Variants in CNTNAP2 observed in about 807,000 individuals in gnomAD.
CNTNAP2 encodes contactin-associated protein-like 2.
In CNTNAP2, 98 loss-of-function variants were observed where a neutral mutation model predicts 155.2. The ratio of observed to expected loss-of-function variants is 0.63; its 90% CI spans 0.54 to 0.75. CNTNAP2 has a LOEUF of 0.75. Among genes scored for constraint, CNTNAP2 ranks in the 30% least tolerant of loss-of-function variants. The pLI is 0.00. For missense variants in CNTNAP2, 1,727 were observed against 1,688.1 expected, an observed-to-expected ratio of 1.02 and a Z score of -0.40; for synonymous variants, 651 against 631.2, an observed-to-expected ratio of 1.03 and a Z score of -0.47.
At chr7:146,345,292 G>A (rs530617706) in intron 1 of CNTNAP2, among the ~76,000 whole-genome samples, 4 of 152,182 alleles carry the variant, frequency 2.6e-5, no homozygotes, top group African/African-American at 9.6e-5. Flanking sequence ...TTTTTCTCCT[G>A]TACTGTGTGG....
At chr7:147,501,659 G>T (rs910346247) in intron 11 of CNTNAP2, among the ~76,000 whole-genome samples, 14 of 152,188 alleles carry the variant, frequency 9.2e-5, no homozygotes, top group Non-Finnish European at 4.4e-5. Flanking sequence ...CCCAACTATA[G>T]GGTAATGTAA....
chr7:147,013,447 T>G (rs1009892341), intron 3 of CNTNAP2, among the ~76,000 whole-genome samples: 9 of 152,124 alleles, frequency 5.9e-5, no homozygotes, highest in Admixed American at 3.9e-4. Flanking sequence ...AAGCATCCAT[T>G]TTAGCTAACC....
intron 3 of CNTNAP2, among the ~76,000 whole-genome samples, chr7:146,895,919 C>T (rs1438158005): frequency 6.6e-6 from 1 of 152,096 alleles, no homozygotes; most frequent in East Asian, 1.9e-4. Context: ...AAGTATCTTT[C>T]TGTGGAGGAT....
At chr7:146,782,753 G>A (rs1802512594) in intron 2 of CNTNAP2, among the ~76,000 whole-genome samples, 1 of 152,030 alleles carries the variant, frequency 6.6e-6, no homozygotes. Context: ...TACCGTGAAG[G>A]TTAAAAGAAA....
chr7:147,988,955 C>T (rs568993355), intron 15 of CNTNAP2, among the ~76,000 whole-genome samples: 8 of 152,232 alleles, frequency 5.3e-5, no homozygotes, highest in African/African-American at 1.4e-4. Flanking sequence ...TTGAGAAAAA[C>T]GAGACATGGC....
At position 147,657,585 on chromosome 7, in the gene CNTNAP2, GTAA is replaced by G. The variant is rs1217255241; in HGVS notation, c.2098+18280_2098+18282del. ...TTAATATAGAAACAAAGCAATTCCA[GTAA>G]GATATATAAAATATGTGCAGGCATG... On this transcript the variant is annotated intron_variant, in intron 13 of 23. Transcript: ENST00000361727. Among the ~76,000 whole-genome samples, 8 of 152,140 alleles carry G rather than the reference GTAA, an allele frequency of 5.3e-5. No homozygotes were observed. In the East Asian group the frequency reaches 1.5e-3, roughly 29 times the overall value.
At chr7:147,606,863 T>C (rs1035415859) in intron 12 of CNTNAP2, among the ~76,000 whole-genome samples, 2 of 152,334 alleles carry the variant, frequency 1.3e-5, no homozygotes, top group African/African-American at 4.8e-5. Flanking sequence ...AGAGTGGCAG[T>C]GTCCTGCATG....
chr7:148,202,498 A>G (rs1795384333), intron 18 of CNTNAP2, among the ~76,000 whole-genome samples: 1 of 152,194 alleles, frequency 6.6e-6, no homozygotes, highest in Non-Finnish European at 1.5e-5. Flanking sequence ...AAGTATTTTT[A>G]ATTTATTTCA....
chr7:146,518,205 G>A (rs1172923558), intron 1 of CNTNAP2, among the ~76,000 whole-genome samples: 2 of 151,070 alleles, frequency 1.3e-5, no homozygotes, highest in African/African-American at 2.4e-5. Flanking sequence ...AGAATTGAAC[G>A]TTATCATTTC....
At chr7:146,684,980 A>G (rs1009014671) in intron 1 of CNTNAP2, among the ~76,000 whole-genome samples, 9 of 152,180 alleles carry the variant, frequency 5.9e-5, no homozygotes, top group African/African-American at 2.2e-4. Flanking sequence ...CTTACTGAGA[A>G]AGTGATTAAA....
intron 13 of CNTNAP2, among the ~76,000 whole-genome samples, chr7:147,891,393 C>T (rs999501199): frequency 3.3e-5 from 5 of 151,942 alleles, no homozygotes; most frequent in Non-Finnish European, 5.9e-5. Context: ...TTAGTAGAGA[C>T]GGGGTTTCAC....
intron 8 of CNTNAP2, among the ~76,000 whole-genome samples, chr7:147,254,131 G>A (rs1423217662): frequency 6.6e-6 from 1 of 152,106 alleles, no homozygotes; most frequent in Non-Finnish European, 1.5e-5. Flanking sequence ...CACAGGGCCT[G>A]TCTGTGAAAA....
intron 13 of CNTNAP2, among the ~76,000 whole-genome samples, chr7:147,660,312 T>G (rs1306805291): frequency 6.6e-6 from 1 of 152,170 alleles, no homozygotes; most frequent in Non-Finnish European, 1.5e-5. Flanking sequence ...CCTCCTACAG[T>G]TTTCTGAGCA....
intron 2 of CNTNAP2, among the ~76,000 whole-genome samples, chr7:146,780,526 T>C (rs2129187024): frequency 6.6e-6 from 1 of 152,182 alleles, no homozygotes; most frequent in Admixed American, 6.5e-5. Context: ...TTCTAACTGG[T>C]GTGAAATAGA....
intron 3 of CNTNAP2, among the ~76,000 whole-genome samples, chr7:146,865,675 C>A (rs1422713874): frequency 6.6e-6 from 1 of 152,044 alleles, no homozygotes; most frequent in East Asian, 1.9e-4. Context: ...TAGTTTTAAA[C>A]CTCTAGAAGA....
intron 13 of CNTNAP2, among the ~76,000 whole-genome samples, chr7:147,702,926 C>A (rs1400790434): frequency 2.6e-5 from 4 of 152,126 alleles, no homozygotes; most frequent in Admixed American, 6.6e-5. Context: ...GAAACTAACA[C>A]CCCCTGCCCC....
intron 1 of CNTNAP2, among the ~76,000 whole-genome samples, chr7:146,271,715 T>G (rs2129083424): frequency 6.6e-6 from 1 of 152,106 alleles, no homozygotes; most frequent in Non-Finnish European, 1.5e-5. Context: ...ATTACTCTGA[T>G]ACTTTAGAGA....
At chr7:146,592,002 A>AT (rs1798790290) in intron 1 of CNTNAP2, among the ~76,000 whole-genome samples, 1 of 152,172 alleles carries the variant, frequency 6.6e-6, no homozygotes, top group Non-Finnish European at 1.5e-5. Context: ...CAAAAGAGTC[A>AT]TTTTTCATTT....
At chr7:147,166,384 C>T (rs1039591512) in intron 8 of CNTNAP2, among the ~76,000 whole-genome samples, 1 of 151,982 alleles carries the variant, frequency 6.6e-6, no homozygotes, top group African/African-American at 2.4e-5. Context: ...ACTTTGGGGA[C>T]TCCGGAGGAA....
Sources: gnomAD v4.1 joint callset for allele counts (sites outside exome capture counted in the v4.1 genomes callset) on GRCh38, gnomAD v4.1.1 for gene constraint, MANE v1.5 for transcripts, NCBI Gene and HGNC (gene_info 2026-07-23, HGNC 2026-07-21) for gene names.